The following WIPF2 variants were observed in gnomAD, a reference collection of about 807,000 sequenced individuals.
WIPF2 encodes the protein WAS/WASL-interacting protein family member 2.
In WIPF2, 23 loss-of-function variants were observed where a neutral mutation model predicts 38.8. The ratio of observed to expected loss-of-function variants is 0.59; its 90% CI spans 0.43 to 0.84. The LOEUF is 0.84. Among genes scored for constraint, WIPF2 ranks in the 40% least tolerant of loss-of-function variants. The pLI is 0.00. For synonymous variants in WIPF2, 210 were observed against 223.2 expected (o/e 0.94, Z 0.53); for missense variants, 574 against 580.5 (o/e 0.99, Z 0.11).
At chr17:40,252,659 CAA>C (rs751249426) in intron 1 of WIPF2, among the ~76,000 whole-genome samples, 2 of 114,342 alleles carry the variant, frequency 1.7e-5, no homozygotes, top group African/African-American at 3.3e-5. Flanking sequence ...GACTCTGTCT[CAA>C]AAAAAAAAAA....
chr17:40,245,336 C>T (rs1199348654), intron 1 of WIPF2, among the ~76,000 whole-genome samples: 9 of 151,806 alleles, frequency 5.9e-5, no homozygotes, highest in Non-Finnish European at 2.9e-5. Flanking sequence ...ACAATGTAGA[C>T]CAGATAATTC....
At chr17:40,258,647 A>G (rs959718459) in intron 2 of WIPF2, among the ~76,000 whole-genome samples, 32 of 152,018 alleles carry the variant, frequency 2.1e-4, no homozygotes, top group African/African-American at 7.7e-4. Context: ...GGAGGCAGTC[A>G]ATGAAGGCTT....
intron 7 of WIPF2, 44 bp from the exon 8 acceptor site, chr17:40,278,141 T>G: frequency 6.3e-7 from 1 of 1,595,220 alleles, no homozygotes; most frequent in Non-Finnish European, 8.5e-7. Context: ...CAGATTCTGG[T>G]GGGTGACCTG....
At chr17:40,245,632 T>C (rs1246224704) in intron 1 of WIPF2, among the ~76,000 whole-genome samples, 1 of 152,082 alleles carries the variant, frequency 6.6e-6, no homozygotes, top group African/African-American at 2.4e-5. Context: ...TGTGAGCCAC[T>C]GCACCTGTCC....
intron 7 of WIPF2, 85 bp from the exon 8 acceptor site, chr17:40,278,100 T>C: frequency 6.9e-7 from 1 of 1,454,894 alleles, no homozygotes; most frequent in Non-Finnish European, 9.5e-7. Flanking sequence ...TTAAAGAGCC[T>C]GTCTCTCATT....
chr17:40,240,673 G>A (rs2031157629), intron 1 of WIPF2, among the ~76,000 whole-genome samples: 1 of 151,672 alleles, frequency 6.6e-6, no homozygotes, highest in Non-Finnish European at 1.5e-5. Context: ...GGCCAGGCAC[G>A]GTATCTCACG....
chr17:40,260,055 A>T (rs917334566), intron 2 of WIPF2, among the ~76,000 whole-genome samples: 38 of 152,148 alleles, frequency 2.5e-4, no homozygotes, highest in African/African-American at 9.2e-4. Context: ...AGGAGGGGAA[A>T]AACTGAGAAG....
In WIPF2 at chr17:40,278,220, A is replaced by G; in HGVS notation, c.1318A>G (p.Arg440Gly). Residue 440 changes from arginine (R) to glycine (G), a missense_variant, in exon 8 of 8, where the codon AGG becomes GGG. Physicochemically the swap from Arg to Gly is moderately radical, Grantham distance 125. Transcript: ENST00000323571. Reference protein sequence around the residue: ...RGAPPLPPILR With the variant: ...RGAPPLPPILG ...AGCCCCACCTCTGCCACCCATTCTC[A>G]GGTGAAGCCTGGCTTGGTCCCGTTC... The G allele has an allele frequency of 1.9e-6, 3 of 1,613,738 alleles. No homozygotes were observed. Among genetic ancestry groups the G allele is most frequent in the Non-Finnish European group, 2.5e-6 (3 of 1,179,876 alleles).
chr17:40,272,763 C>T (rs765289200), intron 5 of WIPF2, among the ~76,000 whole-genome samples: 9 of 152,132 alleles, frequency 5.9e-5, no homozygotes, highest in Non-Finnish European at 1.2e-4. Flanking sequence ...GATTGAGCAC[C>T]TGCTGTGTGC....
intron 1 of WIPF2, among the ~76,000 whole-genome samples, chr17:40,250,380 G>A (rs957269578): frequency 8.7e-5 from 13 of 149,930 alleles, no homozygotes; most frequent in Non-Finnish European, 1.8e-4. Flanking sequence ...ACAGGTGCCC[G>A]CTGCCATGCC....
chr17:40,234,442 AAC>A (rs1246773975), intron 1 of WIPF2, among the ~76,000 whole-genome samples: 7 of 151,900 alleles, frequency 4.6e-5, no homozygotes, highest in South Asian at 4.1e-4. Flanking sequence ...AAAACAAACA[AAC>A]AAACAAACAA....
intron 1 of WIPF2, among the ~76,000 whole-genome samples, chr17:40,235,369 ACTTCCTTG>A (rs1339217629): frequency 6.6e-6 from 1 of 151,986 alleles, no homozygotes; most frequent in East Asian, 1.9e-4. Context: ...GATTACCTTT[ACTTCCTTG>A]TGTAGTTTTT....
chr17:40,268,863 T>C (rs773826233), intron 5 of WIPF2, among the ~76,000 whole-genome samples: 1 of 152,174 alleles, frequency 6.6e-6, no homozygotes, highest in Non-Finnish European at 1.5e-5. Context: ...CCGATTCTCT[T>C]TTCTCACCTG....
chr17:40,242,080 A>G (rs1167113784), intron 1 of WIPF2, among the ~76,000 whole-genome samples: 1 of 152,198 alleles, frequency 6.6e-6, no homozygotes, highest in Non-Finnish European at 1.5e-5. Context: ...TAAGATGAGC[A>G]GCTCTATAGA....
At chr17:40,252,684 C>T (rs2031596837) in intron 1 of WIPF2, among the ~76,000 whole-genome samples, 2 of 151,056 alleles carry the variant, frequency 1.3e-5, no homozygotes, top group Non-Finnish European at 1.5e-5. Context: ...CTAGAAACCT[C>T]CTCAAAAAGG....
chr17:40,260,769 T>G (rs757621885), intron 3 of WIPF2, 102 bp downstream of exon 3: 1 of 1,496,824 alleles, frequency 6.7e-7, no homozygotes, highest in Non-Finnish European at 9.2e-7. Flanking sequence ...TGGGAGAGTT[T>G]TGTCCTGGGA....
At chr17:40,270,404 A>G (rs965838260) in intron 5 of WIPF2, among the ~76,000 whole-genome samples, 3 of 151,870 alleles carry the variant, frequency 2.0e-5, no homozygotes, top group Non-Finnish European at 4.4e-5. Flanking sequence ...TGGATCTGAC[A>G]AAGAGCCCAG....
At chr17:40,239,858 G>A (rs1311625997) in intron 1 of WIPF2, among the ~76,000 whole-genome samples, 4 of 151,220 alleles carry the variant, frequency 2.6e-5, no homozygotes, top group Admixed American at 6.6e-5. Context: ...CACCGTGCCC[G>A]GCTAATGTTT....
At chr17:40,222,867 C>T (rs1378117309) in intron 1 of WIPF2, among the ~76,000 whole-genome samples, 1 of 148,598 alleles carries the variant, frequency 6.7e-6, no homozygotes, top group Non-Finnish European at 1.5e-5. Context: ...GATGGGGTTT[C>T]ACCATGTTGG....
Sources: allele counts gnomAD v4.1 joint callset (sites outside exome capture counted in the v4.1 genomes callset), GRCh38; gene constraint gnomAD v4.1.1; transcripts MANE v1.5; gene names NCBI Gene and HGNC (gene_info 2026-07-23, HGNC 2026-07-21).